NEK8: variants seen among roughly 807,000 people sequenced by gnomAD.
The protein encoded by NEK8 is serine/threonine-protein kinase Nek8.
Under a neutral mutation model 77.2 loss-of-function variants are expected in NEK8, and 51 were observed. That is an observed-to-expected ratio of 0.66 (90% CI 0.53 to 0.83). NEK8 has a LOEUF of 0.83. Ranked by LOEUF, NEK8 falls within the 40% of genes least tolerant of loss-of-function variation. NEK8 has a pLI of 0.00. For synonymous variants in NEK8, 365 were observed against 363.2 expected (o/e 1.00, Z -0.06); for missense variants, 787 against 909.2 (o/e 0.87, Z 1.73).
intron 1 of NEK8, among the ~76,000 whole-genome samples, chr17:28,732,567 T>C (rs1337976504): frequency 6.9e-6 from 1 of 144,828 alleles, no homozygotes; most frequent in Non-Finnish European, 1.5e-5. Context: ...TTTTTTTTTT[T>C]TTGAGGTGGA....
rs1181338947 is a variant in NEK8 at position 28,741,821 on chromosome 17, A to G, written c.2051-138A>G. 2 of 988,960 alleles carry G rather than the reference A, an allele frequency of 2.0e-6. No homozygotes were observed. Among genetic ancestry groups the G allele is most frequent in the East Asian group, 4.8e-5 (2 of 41,258 alleles). 61.3% of individuals were successfully genotyped at this position (988,960 alleles called of 1,614,324 possible). Reference sequence around the variant, plus strand: ...ACATGCATTCTTTCTCCTACTGCTGAGTCCCGTTGATGCTGAAACTCTCTT... The same window carrying G: ...ACATGCATTCTTTCTCCTACTGCTGGGTCCCGTTGATGCTGAAACTCTCTT... On this transcript the variant is annotated intron_variant, in intron 14 of 14. Transcript: ENST00000268766. The surrounding 1 kb of genome is among the most constrained non-coding windows in gnomAD (Gnocchi z 4.5).
At position 28,729,007 on chromosome 17, in the gene NEK8, C is replaced by A. The variant is rs7211214; in HGVS notation, c.47+147C>A. The A allele has an allele frequency of 0.097, 70,765 of 726,114 alleles. 3,960 individuals are homozygous for A. The highest frequency in any genetic ancestry group is 0.16 in the East Asian group (5,803 of 37,024). The allele number at this position is 726,114 out of a possible 1,614,324, so 45.0% of individuals were successfully genotyped here. On this transcript the variant is annotated intron_variant, in intron 1 of 14. Coordinates refer to ENST00000268766, the MANE Select transcript of NEK8 (RefSeq NM_178170.3). Reference sequence around the variant, plus strand: ...CCGCCCAAGCTTCCGGTCCCAGTCCCCCGGGGAGACTCCGCCTCTACGGAG... The same window carrying A: ...CCGCCCAAGCTTCCGGTCCCAGTCCACCGGGGAGACTCCGCCTCTACGGAG...
In NEK8 at chr17:28,741,789, A is replaced by G. The variant is rs2034425732; in HGVS notation, c.2051-170A>G. Among the ~76,000 whole-genome samples, 1 of 152,168 alleles carries G rather than the reference A, an allele frequency of 6.6e-6. No individual in the cohort carries two copies. Among genetic ancestry groups the G allele is most frequent in the African/African-American group, 2.4e-5 (1 of 41,438 alleles). ...GGAAGGGCTGCCTCCACTGCTCCCC[A>G]GGGCTCACATGCATTCTTTCTCCTA... On this transcript the variant is annotated intron_variant, in intron 14 of 14. Transcript: ENST00000268766. This position sits in a 1 kb window ranked among gnomAD's most constrained non-coding sequence, Gnocchi z 4.5.
intron 1 of NEK8, among the ~76,000 whole-genome samples, chr17:28,729,850 G>C (rs1286925337): frequency 6.6e-6 from 1 of 152,108 alleles, no homozygotes; most frequent in African/African-American, 2.4e-5. Flanking sequence ...CAGGCCAGAA[G>C]TGAGATTTAA....
rs2034373721 is a variant in NEK8 at position 28,737,248 on chromosome 17, C to T, written c.619-58C>T. 2 of 1,533,908 alleles carry T rather than the reference C, an allele frequency of 1.3e-6. No homozygotes were observed. The highest frequency in any genetic ancestry group is 1.4e-5 in the African/African-American group (1 of 73,116). ...TGTTATTATCCCAGGAGACCAGGGG[C>T]TGGAGCTGGGGGGTGCTGCCCTCAC... On this transcript the variant is annotated intron_variant, in intron 4 of 14. Coordinates refer to ENST00000268766, the MANE Select transcript of NEK8 (RefSeq NM_178170.3). The surrounding 1 kb of genome is among the most constrained non-coding windows in gnomAD (Gnocchi z 4.8).
At chr17:28,734,445 G>A (rs2034341013) in intron 2 of NEK8, 10 of 575,650 alleles carry the variant, frequency 1.7e-5, no homozygotes, top group Non-Finnish European at 3.1e-6. Flanking sequence ...CAACGCCGAG[G>A]CGGGCGGATC....
In NEK8 at chr17:28,741,148, T is replaced by G. The variant is rs768104272; in HGVS notation, c.1803T>G (p.Ser601Arg). 1 of 1,614,100 alleles carries G rather than the reference T, an allele frequency of 6.2e-7. No homozygotes were observed. Among genetic ancestry groups the G allele is most frequent in the South Asian group, 1.1e-5 (1 of 91,086 alleles). ...TGGGCACCAATACTCGCCGAGGCAG[T>G]CGGGCACCCTGTAAGGTCCAAGGCC... is the stretch of plus-strand genomic sequence containing the variant. ...GQLGTNTRRG[S>R]RAPCKVQGLE... The change falls in exon 13 of 15, where the codon AGT becomes AGG. Residue 601 changes from serine to arginine, a missense_variant. Ser to Arg is a moderately radical substitution (Grantham distance 110). Coordinates refer to ENST00000268766, the MANE Select transcript of NEK8 (RefSeq NM_178170.3). This position sits in a 1 kb window ranked among gnomAD's most constrained non-coding sequence, Gnocchi z 4.5.
rs183079855 is a variant in NEK8, at chr17:28,729,165, C to A, written c.47+305C>A. Among the ~76,000 whole-genome samples, 8 of 152,362 alleles carry A rather than the reference C, an allele frequency of 5.3e-5. No individual in the cohort carries two copies. The East Asian group carries it at 1.5e-3, about 29-fold the overall frequency. ...GCTGGGTATATAGTTAGAACCGGAA[C>A]GGGCGTGGTCTTTTCCCTCTTGGAA... On this transcript the variant is annotated intron_variant, in intron 1 of 14. Transcript: ENST00000268766.
intron 2 of NEK8, chr17:28,734,405 C>T (rs2034340616): frequency 5.0e-6 from 3 of 601,800 alleles, no homozygotes; most frequent in East Asian, 2.9e-5. Context: ...CACGGTGGCT[C>T]ATGCCTGTAA....
Position 28,741,539 on chromosome 17 carries a change from G to C in NEK8, c.2018G>C (p.Cys673Ser), listed in dbSNP as rs557890495. The change falls in exon 14 of 15, where the codon TGT becomes TCT. Residue 673 changes from cysteine (C) to serine (S), a missense_variant. Around this residue, in one of 2 missense-constraint regions of NEK8, gnomAD observed 516 missense variants for 544.0 expected, o/e 0.95. Coordinates refer to ENST00000268766, the MANE Select transcript of NEK8 (RefSeq NM_178170.3). The surrounding 1 kb of genome is among the most constrained non-coding windows in gnomAD (Gnocchi z 4.5). ...THPYTVTSVS[C>S]CHGNTLLAVR... ...CCTTACACGGTGACTTCCGTGTCCT[G>C]TTGCCATGGAAACACCCTCCTGGCT... The C allele has an allele frequency of 9.3e-6, 15 of 1,614,080 alleles. No homozygotes were observed. In the African/African-American group the frequency reaches 1.9e-4, roughly 20 times the overall value.
chr17:28,741,322 C>T lies in NEK8; in HGVS notation c.1891+86C>T, dbSNP rs915536483. 6.3e-7 allele frequency: 1 copy of T among 1,597,454 alleles called. No homozygotes were observed. The highest frequency in any genetic ancestry group is 2.3e-5 in the East Asian group (1 of 44,424). On this transcript the variant is annotated intron_variant, in intron 13 of 14. Transcript: ENST00000268766. The surrounding 1 kb of genome is among the most constrained non-coding windows in gnomAD (Gnocchi z 4.5). ...ATTCAGGGCCACTGGACTCTGGAGC[C>T]TCCCAGGGGCCATCCTGGCAATGTG...
rs377486359 is a variant in NEK8 at position 28,738,767 on chromosome 17, T to C, written c.1299+20T>C. Reference sequence around the variant, plus strand: ...AGCCAGGTGGGTGTCACATATACCTTGGGAAGGGGAAGTCGGGGGATGGCG... The same window carrying C: ...AGCCAGGTGGGTGTCACATATACCTCGGGAAGGGGAAGTCGGGGGATGGCG... On this transcript the variant is annotated intron_variant, in intron 9 of 14. Coordinates refer to ENST00000268766, the MANE Select transcript of NEK8 (RefSeq NM_178170.3). The C allele has an allele frequency of 1.3e-5, 21 of 1,598,824 alleles. No individual in the cohort carries two copies. The highest frequency in any genetic ancestry group is 1.5e-5 in the Non-Finnish European group (18 of 1,166,378).
At chr17:28,734,263 CT>C in intron 2 of NEK8, 75 bp downstream of exon 2, 1 of 1,338,370 alleles carries the variant, frequency 7.5e-7, no homozygotes, top group South Asian at 1.2e-5. Flanking sequence ...GATCTCCTGG[CT>C]TCCCTCCTTG....
At chr17:28,733,040 ATTT>A (rs775027864) in intron 1 of NEK8, 9 of 123,038 alleles carry the variant, frequency 7.3e-5, no homozygotes, top group East Asian at 2.3e-4. Flanking sequence ...TGCTCAGCTA[ATTT>A]TTTTTTTTTT....
Position 28,735,110 on chromosome 17 carries a change from T to C in NEK8, c.486+106T>C, listed in dbSNP as rs1467928479. 10 of 1,532,426 alleles carry C rather than the reference T, an allele frequency of 6.5e-6. 1 individual carries two copies. In the Admixed American group the frequency reaches 1.4e-4, roughly 21 times the overall value. The allele number at this position is 1,532,426 out of a possible 1,614,324, so 94.9% of individuals were successfully genotyped here. A position where few individuals can be genotyped will look rare whatever the true frequency, so the allele number is the denominator to read the frequency against. On this transcript the variant is annotated intron_variant, in intron 3 of 14. Transcript: ENST00000268766. ...AAAAAACCCTTGGCCCTTTGGCCCCTGTTTGGGTGGTTCTGCAGGAGGAAG... is the reference window on the plus strand; with the variant it reads ...AAAAAACCCTTGGCCCTTTGGCCCCCGTTTGGGTGGTTCTGCAGGAGGAAG...
intron 2 of NEK8, 38 bp downstream of exon 2, chr17:28,734,226 C>T: frequency 5.1e-6 from 8 of 1,561,502 alleles, no homozygotes; most frequent in Non-Finnish European, 7.1e-6. Context: ...GCTGGAGGGC[C>T]TCTTACCTCT....
rs778678718 is a variant in NEK8, at chr17:28,735,026, C to A, written c.486+22C>A. 16 of 1,575,988 alleles carry A rather than the reference C, an allele frequency of 1.0e-5. No individual in the cohort carries two copies. The Admixed American group carries it at 1.5e-4, about 15-fold the overall frequency. The stretch of plus-strand genomic sequence containing the variant: ...CACGGTGCCTGGGCATGGAAGGGAC[C>A]TCCAGGGCACTAGAAGTCTTGAGGG... On this transcript the variant is annotated intron_variant, in intron 3 of 14. Transcript: ENST00000268766.
At position 28,741,280 on chromosome 17, in the gene NEK8, G is replaced by C. The variant is rs766043103; in HGVS notation, c.1891+44G>C. ...GGGGGCAGACAGTGCCATGAGCAGT[G>C]GGGGGTGGGGGTTGCTATTCAGGGC... On this transcript the variant is annotated intron_variant, in intron 13 of 14. Transcript: ENST00000268766. This position sits in a 1 kb window ranked among gnomAD's most constrained non-coding sequence, Gnocchi z 4.5. The C allele has an allele frequency of 1.2e-4, 193 of 1,592,362 alleles. No homozygotes were observed. The Middle Eastern group carries it at 2.0e-3, about 17-fold the overall frequency.
rs778986582 is a variant in NEK8, at chr17:28,738,680, T to A, written c.1232T>A (p.Ile411Asn). The A allele has an allele frequency of 6.2e-7, 1 of 1,614,094 alleles. No homozygotes were observed. ...CTGCCCTTCTCCCCAGACAGAGGCA[T>A]CATCATGACATTCGGCAGCGGCAGC... Reference protein sequence around the residue: ...FFTACLTDRGIIMTFGSGSNG... With the variant: ...FFTACLTDRGNIMTFGSGSNG... Residue 411 changes from isoleucine to asparagine, a missense_variant, in exon 9 of 15, where the codon ATC becomes AAC. Ile to Asn is a moderately radical substitution (Grantham distance 149). Transcript: ENST00000268766.
Sources: allele counts gnomAD v4.1 joint callset (sites outside exome capture counted in the v4.1 genomes callset), GRCh38; gene constraint gnomAD v4.1.1; regional missense constraint gnomAD v4.1.1; non-coding constraint Gnocchi (gnomAD v3.1); transcripts MANE v1.5; gene names NCBI Gene and HGNC (gene_info 2026-07-23, HGNC 2026-07-21).